The following IL7 variants were observed in gnomAD, a reference collection of about 807,000 sequenced individuals.
The protein encoded by IL7 is interleukin-7.
In IL7, 3 loss-of-function variants were observed where a neutral mutation model predicts 21.6. The ratio of observed to expected loss-of-function variants is 0.14; its 90% CI spans 0.06 to 0.36. The LOEUF (loss-of-function observed/expected upper bound fraction) is 0.36. Ranked by LOEUF, IL7 falls within the 10% of genes least tolerant of loss-of-function variation. IL7 has a pLI of 1.00. For missense variants in IL7, 175 were observed against 200.2 expected (o/e 0.87, Z 0.76); for synonymous variants, 62 against 68.1 (o/e 0.91, Z 0.44).
intron 3 of IL7, among the ~76,000 whole-genome samples, chr8:78,702,401 A>G (rs76881145): frequency 0.023 from 3,467 of 151,948 alleles, 45 homozygotes; most frequent in Non-Finnish European, 0.034. Context: ...TATTTTATCA[A>G]TTTTTTAAAA....
intron 2 of IL7, among the ~76,000 whole-genome samples, chr8:78,773,250 A>G (rs1813018801): frequency 6.6e-6 from 1 of 152,056 alleles, no homozygotes; most frequent in Non-Finnish European, 1.5e-5. Flanking sequence ...CCCAGTGGGC[A>G]CGTCTTTGGG....
chr8:78,689,228 T>C, intron 3 of IL7: 1 of 1,565,296 alleles, frequency 6.4e-7, no homozygotes, highest in Non-Finnish European at 8.6e-7. Context: ...ATAGATTATA[T>C]TCAATGTCCA....
intron 2 of IL7, among the ~76,000 whole-genome samples, chr8:78,781,581 G>T (rs1813332498): frequency 6.6e-6 from 1 of 152,184 alleles, no homozygotes; most frequent in African/African-American, 2.4e-5. Context: ...TCTGCTGAGA[G>T]GTTTGCTGTT....
At chr8:78,677,129 G>A (rs1451911625) in intron 4 of IL7, among the ~76,000 whole-genome samples, 4 of 152,184 alleles carry the variant, frequency 2.6e-5, no homozygotes, top group Admixed American at 2.6e-4. Flanking sequence ...ATCCAGTTTT[G>A]AGGTTTTATT....
intron 4 of IL7, among the ~76,000 whole-genome samples, chr8:78,682,249 A>G (rs1050292136): frequency 1.3e-5 from 2 of 152,206 alleles, no homozygotes; most frequent in Non-Finnish European, 2.9e-5. Flanking sequence ...AACCAATACC[A>G]TAAGTGCCAG....
intron 2 of IL7, among the ~76,000 whole-genome samples, chr8:78,771,384 C>T (rs1463877285): frequency 6.6e-6 from 1 of 152,064 alleles, no homozygotes; most frequent in Non-Finnish European, 1.5e-5. Context: ...GCAGTTAAGA[C>T]CTGGGTCTTC....
rs183050005 is a variant in IL7, at chr8:78,753,141, C to T, written c.148-13059G>A. On this transcript the variant is annotated intron_variant, in intron 2 of 5. Coordinates refer to ENST00000263851, the MANE Select transcript of IL7 (RefSeq NM_000880.4). ...TCAAATGGTATTTATAGTTCTAGATCCTTGAGGAATCACCACACTGTCTTC... is the reference window on the plus strand; with the variant it reads ...TCAAATGGTATTTATAGTTCTAGATTCTTGAGGAATCACCACACTGTCTTC... Among the ~76,000 whole-genome samples, 3 of 152,206 alleles carry T rather than the reference C, an allele frequency of 2.0e-5. No individual in the cohort carries two copies. The East Asian group carries it at 5.8e-4, about 29-fold the overall frequency.
intron 5 of IL7, among the ~76,000 whole-genome samples, chr8:78,720,428 T>C (rs961163594): frequency 1.3e-5 from 2 of 151,834 alleles, no homozygotes; most frequent in African/African-American, 4.8e-5. Flanking sequence ...TTTAGAAAAA[T>C]TTCAGTTAAA....
At chr8:78,703,798 T>A (rs1316271306) in intron 3 of IL7, among the ~76,000 whole-genome samples, 1 of 152,180 alleles carries the variant, frequency 6.6e-6, no homozygotes, top group Non-Finnish European at 1.5e-5. Context: ...CTAGTATTGA[T>A]GTGTGTGGAT....
intron 2 of IL7, among the ~76,000 whole-genome samples, chr8:78,755,099 C>T (rs962989073): frequency 7.2e-5 from 11 of 151,958 alleles, no homozygotes; most frequent in African/African-American, 2.4e-4. Flanking sequence ...ATCATTTTCC[C>T]ATGTATGTTC....
chr8:78,749,227 G>T (rs569361651), intron 2 of IL7, among the ~76,000 whole-genome samples: 63 of 152,038 alleles, frequency 4.1e-4, no homozygotes, highest in Middle Eastern at 3.2e-3. Context: ...TATTGACTAA[G>T]TCAATTCCTT....
downstream of IL7, among the ~76,000 whole-genome samples, chr8:78,713,675 T>C (rs1346162245): frequency 1.3e-5 from 2 of 152,132 alleles, no homozygotes; most frequent in Admixed American, 1.3e-4. Flanking sequence ...TCTTTGCTTG[T>C]TGAAGTTTAG....
At chr8:78,689,622 C>T (rs1372817791) in intron 3 of IL7, among the ~76,000 whole-genome samples, 2 of 151,656 alleles carry the variant, frequency 1.3e-5, no homozygotes, top group Non-Finnish European at 2.9e-5. Context: ...TGTCTTAGCA[C>T]GTTTTGTATA....
intron 2 of IL7, chr8:78,760,143 T>A (rs1812500023): frequency 6.6e-7 from 1 of 1,514,358 alleles, no homozygotes; most frequent in Non-Finnish European, 8.8e-7. Context: ...AAAAGTCTCT[T>A]AGGTATTTTC....
chr8:78,729,881 A>G (rs1392047632), downstream of IL7, among the ~76,000 whole-genome samples: 1 of 152,030 alleles, frequency 6.6e-6, no homozygotes, highest in Non-Finnish European at 1.5e-5. Flanking sequence ...ATTGGCAAAC[A>G]TATGTCCCTC....
chr8:78,704,387 CA>C (rs1307275741), intron 3 of IL7, among the ~76,000 whole-genome samples: 2,457 of 65,278 alleles, frequency 0.038, 27 homozygotes, highest in Non-Finnish European at 0.049. Flanking sequence ...GACTCCATCT[CA>C]AAAAAAAAAA....
At chr8:78,756,424 T>C (rs1158590251) in intron 2 of IL7, among the ~76,000 whole-genome samples, 1 of 151,964 alleles carries the variant, frequency 6.6e-6, no homozygotes, top group Non-Finnish European at 1.5e-5. Flanking sequence ...TTGGTAGAAC[T>C]CAGAAATAAA....
chr8:78,740,126 T>C lies in IL7; in HGVS notation c.148-44A>G, dbSNP rs370958003. On this transcript the variant is annotated intron_variant, in intron 2 of 5. Coordinates refer to ENST00000263851, the MANE Select transcript of IL7 (RefSeq NM_000880.4). ...AATAATATGGTTAAAACTGAGTACT[T>C]TTCTAATATCTTGTAATTATAAAAA... 186 of 1,104,196 alleles carry C rather than the reference T, an allele frequency of 1.7e-4. No individual in the cohort carries two copies. The African/African-American group carries it at 2.2e-3, about 13-fold the overall frequency. The allele number at this position is 1,104,196 out of a possible 1,614,324, so 68.4% of individuals were successfully genotyped here. A position where few individuals can be genotyped will look rare whatever the true frequency, so the allele number is the denominator to read the frequency against.
intron 2 of IL7, among the ~76,000 whole-genome samples, chr8:78,780,899 A>G (rs1363865332): frequency 6.6e-6 from 1 of 152,188 alleles, no homozygotes; most frequent in Non-Finnish European, 1.5e-5. Flanking sequence ...AATATGTTTT[A>G]TGAATCTAGG....
Sources: gnomAD v4.1 joint callset for allele counts (sites outside exome capture counted in the v4.1 genomes callset) on GRCh38, gnomAD v4.1.1 for gene constraint, MANE v1.5 for transcripts, NCBI Gene and HGNC (gene_info 2026-07-23, HGNC 2026-07-21) for gene names.